Variants in RGMB observed in about 807,000 individuals in gnomAD.
RGMB encodes repulsive guidance molecule BMP co-receptor b, also known as repulsive guidance molecule B.
Under a neutral mutation model 26.9 loss-of-function variants are expected in RGMB, and 16 were observed. That is an observed-to-expected ratio of 0.60 (90% CI 0.40 to 0.90). The LOEUF (loss-of-function observed/expected upper bound fraction) is 0.90. Among genes scored for constraint, RGMB ranks in the 40% least tolerant of loss-of-function variants. The pLI is 0.00. For missense variants in RGMB, 512 were observed against 573.3 expected, an observed-to-expected ratio of 0.89 and a Z score of 1.09; for synonymous variants, 225 against 229.3, an observed-to-expected ratio of 0.98 and a Z score of 0.17.
At chr5:98,778,000 T>C (rs143930570) in intron 1 of RGMB, among the ~76,000 whole-genome samples, 1 of 152,320 alleles carries the variant, frequency 6.6e-6, no homozygotes, top group East Asian at 1.9e-4. Context: ...ATCATCTCTG[T>C]AGCAAAATGC....
chr5:98,784,392 C>T (rs1476388696), intron 2 of RGMB, among the ~76,000 whole-genome samples: 1 of 152,162 alleles, frequency 6.6e-6, no homozygotes, highest in East Asian at 1.9e-4. Context: ...TGTAGAAAGA[C>T]TTAGTTTGGT....
chr5:98,792,901 AGGAC>A, intron 2 of RGMB, 180 bp from the exon 3 acceptor site: 1 of 533,044 alleles, frequency 1.9e-6, no homozygotes. Context: ...CTAAATATAT[AGGAC>A]TTTAAAAAAT....
Position 98,795,767 on chromosome 5 carries a change from A to G in RGMB, c.*2014A>G, listed in dbSNP as rs1244902828. On this transcript the variant is annotated 3_prime_UTR_variant, in exon 3 of 3. Transcript: ENST00000513185. ...AATTGAGTAGTACAAGCGAGGAAAAAATACGGAGGATAACCACTATTTTTG... is the reference window on the plus strand; with the variant it reads ...AATTGAGTAGTACAAGCGAGGAAAAGATACGGAGGATAACCACTATTTTTG... 6.6e-6 allele frequency: 1 copy of G among 152,222 alleles called. No individual in the cohort carries two copies. The highest frequency in any genetic ancestry group is 1.5e-5 in the Non-Finnish European group (1 of 68,038). The allele number at this position is 152,222 out of a possible 1,614,324, so 9.4% of individuals were successfully genotyped here. A position where few individuals can be genotyped will look rare whatever the true frequency, so the allele number is the denominator to read the frequency against.
At chr5:98,774,389 G>A (rs917411785) in intron 1 of RGMB, among the ~76,000 whole-genome samples, 183 bp downstream of exon 1, 3 of 152,178 alleles carry the variant, frequency 2.0e-5, no homozygotes, top group Admixed American at 6.5e-5. Context: ...CCACCCACCG[G>A]GCGGCCGCCG....
upstream of RGMB, chr5:98,770,300 G>T (rs1746110777): frequency 7.4e-6 from 2 of 271,152 alleles, no homozygotes; most frequent in Non-Finnish European, 1.4e-5. Context: ...AAGCTTTTAA[G>T]GCCTTCTTGG....
In RGMB at chr5:98,774,210, G is replaced by C; in HGVS notation, c.136+4G>C. ...AGCCTCGGGCTGCTCCACGCAGGTA[G>C]GACGGGAGCGCGCGAGGGGAGCCAG... is the stretch of plus-strand genomic sequence containing the variant. On this transcript the variant is annotated splice_donor_region_variant and intron_variant, in intron 1 of 2. Coordinates refer to ENST00000513185, the MANE Select transcript of RGMB (RefSeq NM_001366508.1). 1 of 1,438,598 alleles carries C rather than the reference G, an allele frequency of 7.0e-7. No individual in the cohort carries two copies. The highest frequency in any genetic ancestry group is 9.1e-7 in the Non-Finnish European group (1 of 1,104,144). The allele number at this position is 1,438,598 out of a possible 1,614,324, so 89.1% of individuals were successfully genotyped here. A position where few individuals can be genotyped will look rare whatever the true frequency, so the allele number is the denominator to read the frequency against.
At position 98,774,184 on chromosome 5, in the gene RGMB, C is replaced by A. The variant is rs934716982; in HGVS notation, c.114C>A (p.Phe38Leu). 1 of 1,493,872 alleles carries A rather than the reference C, an allele frequency of 6.7e-7. No individual in the cohort carries two copies. Among genetic ancestry groups the A allele is most frequent in the South Asian group, 1.3e-5 (1 of 79,448 alleles). 92.5% of individuals were successfully genotyped at this position (1,493,872 alleles called of 1,614,324 possible). A position where few individuals can be genotyped will look rare whatever the true frequency, so the allele number is the denominator to read the frequency against. ...PPLELLLLLL[F>L]SLGLLHAGDC... ...TGGAGCTGCTGCTGCTGCTGCTGTT[C>A]AGCCTCGGGCTGCTCCACGCAGGTA... Residue 38 changes from phenylalanine (F) to leucine (L), a missense_variant, in exon 1 of 3, where the codon TTC becomes TTA. Coordinates refer to ENST00000513185, the MANE Select transcript of RGMB (RefSeq NM_001366508.1).
At chr5:98,770,504 C>T (rs945666678), upstream of RGMB, 1 of 516,622 alleles carries the variant, frequency 1.9e-6, no homozygotes, top group Non-Finnish European at 3.1e-6. Context: ...CCGTTGTCTA[C>T]GAGCGGGTGA....
At chr5:98,778,854 A>G (rs1403432740) in intron 1 of RGMB, among the ~76,000 whole-genome samples, 5 of 151,934 alleles carry the variant, frequency 3.3e-5, no homozygotes, top group Non-Finnish European at 7.4e-5. Flanking sequence ...ATCCTAGGGT[A>G]ATGGAGATAG....
intron 2 of RGMB, among the ~76,000 whole-genome samples, chr5:98,787,277 T>C (rs1746792415): frequency 6.6e-6 from 1 of 152,166 alleles, no homozygotes; most frequent in Admixed American, 6.5e-5. Context: ...CCCTTTTACT[T>C]TTTTTGCTCA....
upstream of RGMB, chr5:98,773,569 A>G (rs7714564): frequency 1.0e-2 from 2,025 of 202,744 alleles, 39 homozygotes; most frequent in African/African-American, 0.044. Flanking sequence ...AGGGAGGGAC[A>G]CGGCGGGGGA....
chr5:98,770,903 GC>G, upstream of RGMB: 1 of 395,360 alleles, frequency 2.5e-6, no homozygotes, highest in Non-Finnish European at 4.5e-6. Context: ...TGGCCGGGGA[GC>G]AGCCGGGGAG....
chr5:98,793,607 A>G lies in RGMB; in HGVS notation c.1168A>G (p.Ser390Gly), dbSNP rs1308736866. 5 of 1,613,888 alleles carry G rather than the reference A, an allele frequency of 3.1e-6. No individual in the cohort carries two copies. The African/African-American group carries it at 5.3e-5, about 17-fold the overall frequency. ...GDANFTAAAH[S>G]ALEDVEALHP... ...TGCCAACTTTACTGCCGCAGCCCACAGTGCCTTGGAGGATGTGGAGGCCCT... is the reference window on the plus strand; with the variant it reads ...TGCCAACTTTACTGCCGCAGCCCACGGTGCCTTGGAGGATGTGGAGGCCCT... Residue 390 changes from serine to glycine, a missense_variant, in exon 3 of 3, where the codon AGT becomes GGT. By Grantham distance (56) the Ser-to-Gly change is moderately conservative (BLOSUM62 0). Coordinates refer to ENST00000513185, the MANE Select transcript of RGMB (RefSeq NM_001366508.1).
intron 2 of RGMB, chr5:98,780,945 C>T (rs1189246523): frequency 1.3e-5 from 2 of 150,844 alleles, no homozygotes; most frequent in African/African-American, 2.4e-5. Context: ...AATAGTGTCC[C>T]GACTAACCAC....
upstream of RGMB, chr5:98,769,892 T>A (rs1054618464): frequency 6.6e-6 from 1 of 152,618 alleles, no homozygotes; most frequent in Admixed American, 6.5e-5. Flanking sequence ...CCCTCCAGCC[T>A]CCCATCAACG....
chr5:98,774,901 G>C (rs1746346268), intron 1 of RGMB, among the ~76,000 whole-genome samples: 1 of 152,120 alleles, frequency 6.6e-6, no homozygotes, highest in Non-Finnish European at 1.5e-5. Flanking sequence ...CCAGCCTTGA[G>C]GCGTATGTTC....
chr5:98,777,661 G>A (rs1300062734), intron 1 of RGMB, among the ~76,000 whole-genome samples: 3 of 152,062 alleles, frequency 2.0e-5, no homozygotes, highest in Admixed American at 6.5e-5. Flanking sequence ...TGTTTAGTTG[G>A]TTAATTTCTG....
intron 2 of RGMB, among the ~76,000 whole-genome samples, chr5:98,782,857 T>C (rs1428401392): frequency 6.6e-6 from 1 of 152,158 alleles, no homozygotes; most frequent in Non-Finnish European, 1.5e-5. Flanking sequence ...ACCCCCCTTT[T>C]CCTTATCACA....
rs187935130 is a variant in RGMB at position 98,776,489 on chromosome 5, G to T, written c.136+2283G>T. On this transcript the variant is annotated intron_variant, in intron 1 of 2. Coordinates refer to ENST00000513185, the MANE Select transcript of RGMB (RefSeq NM_001366508.1). The stretch of plus-strand genomic sequence containing the variant: ...ACATCCTTGAGATTGTTTCTGCTCC[G>T]CATTGTCTTGGCATTTTGACAGGAG... Among the ~76,000 whole-genome samples the T allele has an allele frequency of 1.1e-3, 172 of 152,118 alleles. 1 individual carries two copies. The highest frequency in any genetic ancestry group is 4.0e-3 in the African/African-American group (164 of 41,484).
Sources: allele counts gnomAD v4.1 joint callset (sites outside exome capture counted in the v4.1 genomes callset), GRCh38; gene constraint gnomAD v4.1.1; transcripts MANE v1.5; gene names NCBI Gene and HGNC (gene_info 2026-07-23, HGNC 2026-07-21).